STX16: variants seen among roughly 807,000 people sequenced by gnomAD.
The protein encoded by STX16 is syntaxin 16, also known as syntaxin-16.
In STX16, 28 loss-of-function variants were observed where a neutral mutation model predicts 42.7. The observed-to-expected ratio is 0.66, with a 90% CI of 0.49 to 0.90. The LOEUF (loss-of-function observed/expected upper bound fraction) is 0.90, where lower values mean the gene tolerates loss of function less well. Ranked by LOEUF, STX16 falls within the 40% of genes least tolerant of loss-of-function variation. STX16 has a pLI of 0.00. For missense variants in STX16, 361 were observed against 420.9 expected (o/e 0.86, Z 1.24); for synonymous variants, 156 against 155.2 (o/e 1.00, Z -0.04).
chr20:58,674,299 C>T (rs1279821519), intron 8 of STX16, among the ~76,000 whole-genome samples: 2 of 152,028 alleles, frequency 1.3e-5, no homozygotes, highest in Non-Finnish European at 2.9e-5. Flanking sequence ...ATGATATTCT[C>T]TTTTAAAAAA....
intron 1 of STX16, 85 bp from the exon 2 acceptor site, chr20:58,659,538 G>A: frequency 7.0e-7 from 1 of 1,420,266 alleles, no homozygotes; most frequent in Non-Finnish European, 9.6e-7. Context: ...AACTGACCAT[G>A]CCTTGTCTGT....
At chr20:58,662,807 G>A (rs1414379217) in intron 2 of STX16, among the ~76,000 whole-genome samples, 6 of 152,178 alleles carry the variant, frequency 3.9e-5, no homozygotes, top group Admixed American at 3.3e-4. Context: ...GATTACAGGC[G>A]TGAGCCACTG....
At position 58,673,706 on chromosome 20, in the gene STX16, C is replaced by T; in HGVS notation, c.868C>T (p.His290Tyr). ...IKTEDGLKQL[H>Y]KAEQYQKKNR... ...AACTGAAGATGGTTTGAAACAGCTT[C>T]ACAAGGTAATATGTCTTTCAAGACT... The change falls in exon 8 of 9, where the codon CAC (histidine) becomes TAC (tyrosine). Residue 290 changes from histidine (H) to tyrosine (Y), a missense_variant. Physicochemically the swap from His to Tyr is moderately conservative, Grantham distance 83 (BLOSUM62 2). Transcript: ENST00000371141. The T allele has an allele frequency of 5.0e-6, 8 of 1,609,102 alleles. No homozygotes were observed. Among genetic ancestry groups the T allele is most frequent in the African/African-American group, 1.3e-5 (1 of 74,938 alleles).
rs187071578 is a variant in STX16, at chr20:58,656,426, A to G, written c.133-3197A>G. Among the ~76,000 whole-genome samples the G allele has an allele frequency of 3.8e-3, 577 of 152,350 alleles. 3 individuals are homozygous for G. Among genetic ancestry groups the G allele is most frequent in the African/African-American group, 0.013 (549 of 41,580 alleles). On this transcript the variant is annotated intron_variant, in intron 1 of 8. Coordinates refer to ENST00000371141, the MANE Select transcript of STX16 (RefSeq NM_001001433.3). ...CATTCAAGCAGCTTGGCTTTAGGAA[A>G]CTGAAATGGATTTATGAAGCTAAAC...
At chr20:58,673,575 G>C (rs2084033352) in intron 7 of STX16, 56 bp from the exon 8 acceptor site, 1 of 1,215,902 alleles carries the variant, frequency 8.2e-7, no homozygotes, top group Admixed American at 1.8e-5. Flanking sequence ...CATTTTTGAC[G>C]TTCAGTTTTC....
chr20:58,674,996 G>A (rs1191922357), intron 8 of STX16, among the ~76,000 whole-genome samples: 1 of 152,200 alleles, frequency 6.6e-6, no homozygotes, highest in East Asian at 1.9e-4. Flanking sequence ...AGGTTTTACA[G>A]TATATTATTT....
intron 1 of STX16, among the ~76,000 whole-genome samples, chr20:58,658,667 C>T (rs539659199): frequency 6.6e-6 from 1 of 152,232 alleles, no homozygotes; most frequent in South Asian, 2.1e-4. Flanking sequence ...TTGAATTTCA[C>T]CACTAATTAT....
intron 2 of STX16, among the ~76,000 whole-genome samples, chr20:58,666,078 A>G (rs1412177538): frequency 1.3e-5 from 2 of 152,196 alleles, no homozygotes; most frequent in Non-Finnish European, 2.9e-5. Context: ...GGATTTTAAA[A>G]TTTTGTCTTG....
Position 58,651,999 on chromosome 20 carries a change from G to A in STX16, c.-8G>A, listed in dbSNP as rs760960769. The A allele has an allele frequency of 1.9e-6, 3 of 1,614,024 alleles. No homozygotes were observed. The highest frequency in any genetic ancestry group is 2.5e-6 in the Non-Finnish European group (3 of 1,179,910). On this transcript the variant is annotated 5_prime_UTR_variant, in exon 1 of 9. Transcript: ENST00000371141. ...GGCCCCTGAGAGGGGGGTCGCAAAGGGTGAGACATGGCCACCAGGCGTTTA... is the reference window on the plus strand; with the variant it reads ...GGCCCCTGAGAGGGGGGTCGCAAAGAGTGAGACATGGCCACCAGGCGTTTA...
At position 58,668,872 on chromosome 20, in the gene STX16, C is replaced by T. The variant is rs566413404; in HGVS notation, c.394-419C>T. 5.9e-5 allele frequency among the ~76,000 whole-genome samples: 9 copies of T among 152,246 alleles called. No homozygotes were observed. The South Asian group carries it at 1.2e-3, about 21-fold the overall frequency. ...AAAATGCTCCAAAATTTGAAACTTT[C>T]TTTTGAGTGCCAATATGACACTCAA... On this transcript the variant is annotated intron_variant, in intron 4 of 8. Transcript: ENST00000371141.
Position 58,677,360 on chromosome 20 carries a change from C to A in STX16, c.*1069C>A, listed in dbSNP as rs1380982217. On this transcript the variant is annotated 3_prime_UTR_variant, in exon 9 of 9. Transcript: ENST00000371141. Reference sequence around the variant, plus strand: ...CCAGCGATTTGATTTATTGGCTCTTCCATTGCCACTGAGCAATGCCCAGGA... The same window carrying A: ...CCAGCGATTTGATTTATTGGCTCTTACATTGCCACTGAGCAATGCCCAGGA... 1 of 152,644 alleles carries A rather than the reference C, an allele frequency of 6.6e-6. No homozygotes were observed. Among genetic ancestry groups the A allele is most frequent in the Non-Finnish European group, 1.5e-5 (1 of 68,042 alleles). The allele number at this position is 152,644 out of a possible 1,614,324, so 9.5% of individuals were successfully genotyped here. A position where few individuals can be genotyped will look rare whatever the true frequency, so the allele number is the denominator to read the frequency against.
At chr20:58,663,668 AATTT>A (rs1017355934) in intron 2 of STX16, among the ~76,000 whole-genome samples, 21 of 151,992 alleles carry the variant, frequency 1.4e-4, no homozygotes, top group East Asian at 3.9e-4. Context: ...CAGAAGCACA[AATTT>A]ATTTATTTAT....
At chr20:58,675,175 C>T (rs188915029) in intron 8 of STX16, among the ~76,000 whole-genome samples, 2 of 152,252 alleles carry the variant, frequency 1.3e-5, no homozygotes, top group African/African-American at 2.4e-5. Context: ...CGGTGCTGTC[C>T]CCGTGCCTGA....
chr20:58,673,503 T>C, intron 7 of STX16, 128 bp from the exon 8 acceptor site: 2 of 651,866 alleles, frequency 3.1e-6, no homozygotes, highest in Non-Finnish European at 5.5e-6. Context: ...CGTGTGTACC[T>C]GCAGCACACA....
rs145217102 is a variant in STX16 at position 58,678,899 on chromosome 20, A to T, written c.*2608A>T. The T allele has an allele frequency of 6.6e-6, 1 of 152,238 alleles. No individual in the cohort carries two copies. The highest frequency in any genetic ancestry group is 1.9e-4 in the East Asian group (1 of 5,174). 9.4% of individuals were successfully genotyped at this position (152,238 alleles called of 1,614,324 possible). A position where few individuals can be genotyped will look rare whatever the true frequency, so the allele number is the denominator to read the frequency against. ...GGCACCTCATGTTTTTCCACACTCT[A>T]CTGGGCCGTGGAGGTAACGATCACC... On this transcript the variant is annotated 3_prime_UTR_variant, in exon 9 of 9. Coordinates refer to ENST00000371141, the MANE Select transcript of STX16 (RefSeq NM_001001433.3).
intron 2 of STX16, among the ~76,000 whole-genome samples, chr20:58,664,784 A>G (rs1220370128): frequency 6.6e-6 from 1 of 152,250 alleles, no homozygotes; most frequent in Non-Finnish European, 1.5e-5. Context: ...TCTTTAGTTT[A>G]ATGTGTATTT....
At position 58,669,350 on chromosome 20, in the gene STX16, C is replaced by A; in HGVS notation, c.453C>A (p.Ser151=). The part of the protein sequence containing the change: ...QALPSRARAC[S]EQEGRLLGNV... Reference sequence around the variant, plus strand: ...TGCCGAGCCGGGCCCGGGCCTGCTCCGAGCAGGAGGGGCGGCTGCTTGGGA... The same window carrying A: ...TGCCGAGCCGGGCCCGGGCCTGCTCAGAGCAGGAGGGGCGGCTGCTTGGGA... The change falls in exon 5 of 9, where the codon TCC becomes TCA. Residue 151 remains serine, a synonymous_variant. Transcript: ENST00000371141. 1 of 1,611,930 alleles carries A rather than the reference C, an allele frequency of 6.2e-7. No individual in the cohort carries two copies. Among genetic ancestry groups the A allele is most frequent in the Non-Finnish European group, 8.5e-7 (1 of 1,179,094 alleles).
At chr20:58,664,692 T>C (rs2083775592) in intron 2 of STX16, among the ~76,000 whole-genome samples, 1 of 152,260 alleles carries the variant, frequency 6.6e-6, no homozygotes, top group South Asian at 2.1e-4. Context: ...ACTTTTCATA[T>C]GTGGTTTATA....
In STX16 at chr20:58,660,713, CTTTTTTTTTTTTT is replaced by C. The variant is rs10706096; in HGVS notation, c.144+1093_144+1105del. Among the ~76,000 whole-genome samples the C allele has an allele frequency of 2.4e-4, 17 of 70,744 alleles. No homozygotes were observed. The South Asian group carries it at 4.9e-3, about 21-fold the overall frequency. The allele number at this position is 70,744 out of a possible 152,430, so 46.4% of individuals were successfully genotyped here. ...AGCATGGATAATATGATTCCTGCTC[CTTTTTTTTTTTTT>C]TTTTTTTTTTTTTCAGGAAAAATAA... On this transcript the variant is annotated intron_variant, in intron 2 of 8. Transcript: ENST00000371141.
Sources: gnomAD v4.1 joint callset for allele counts (sites outside exome capture counted in the v4.1 genomes callset) on GRCh38, gnomAD v4.1.1 for gene constraint, MANE v1.5 for transcripts, NCBI Gene and HGNC (gene_info 2026-07-23, HGNC 2026-07-21) for gene names.